Variants in STK32B observed in about 807,000 individuals in gnomAD.
STK32B encodes the protein serine/threonine-protein kinase 32B.
In STK32B, 43 loss-of-function variants were observed where a neutral mutation model predicts 52.6. The ratio of observed to expected loss-of-function variants is 0.82; its 90% CI spans 0.64 to 1.05. The LOEUF is 1.05. Ranked by LOEUF, STK32B falls within the 50% of genes least tolerant of loss-of-function variation. STK32B has a pLI of 0.00. For missense variants in STK32B, 621 were observed against 534.6 expected (o/e 1.16, Z -1.59); for synonymous variants, 238 against 204.3 (o/e 1.17, Z -1.41).
rs188490144 is a variant in STK32B, at chr4:5,349,486, G to A, written c.434+18093G>A. Among the ~76,000 whole-genome samples, 367 of 151,628 alleles carry A rather than the reference G, an allele frequency of 2.4e-3. 5 individuals are homozygous for A. The highest frequency in any genetic ancestry group is 8.5e-3 in the African/African-American group (350 of 41,332). ...ACAATATACACATCTTTAGGAAAAA[G>A]TCTTCCCCTATGAAAGCAAATTCAA... On this transcript the variant is annotated intron_variant, in intron 4 of 11. Coordinates refer to ENST00000282908, the MANE Select transcript of STK32B (RefSeq NM_018401.3).
chr4:5,268,538 GGTGTGTGTGTGTGTGTGTGT>G (rs10593272), intron 3 of STK32B, among the ~76,000 whole-genome samples: 14 of 140,090 alleles, frequency 1.0e-4, no homozygotes, highest in Admixed American at 3.7e-4. Flanking sequence ...TGCTTGGTGT[GGTGTGTGTGTGTGTGTGTGT>G]GTGTGTGTGT....
chr4:5,168,001 G>A (rs1238113821), intron 2 of STK32B, among the ~76,000 whole-genome samples: 1 of 152,340 alleles, frequency 6.6e-6, no homozygotes, highest in Non-Finnish European at 1.5e-5. Context: ...CTCGTGGGCT[G>A]TGAGCCCCTT....
At chr4:5,339,134 TG>T (rs1732904801) in intron 4 of STK32B, among the ~76,000 whole-genome samples, 1 of 152,312 alleles carries the variant, frequency 6.6e-6, no homozygotes, top group African/African-American at 2.4e-5. Context: ...AGTCTTAGAC[TG>T]GGACTTACAC....
intron 2 of STK32B, among the ~76,000 whole-genome samples, chr4:5,160,345 C>T (rs553786713): frequency 1.6e-4 from 25 of 152,184 alleles, no homozygotes; most frequent in Admixed American, 2.6e-4. Context: ...CCACTCTTAT[C>T]CCCATTGTAC....
chr4:5,360,545 T>G (rs1291253966), intron 4 of STK32B, among the ~76,000 whole-genome samples: 2 of 152,076 alleles, frequency 1.3e-5, no homozygotes, highest in Non-Finnish European at 2.9e-5. Context: ...ATTGGAGATG[T>G]GGGGTGTTGG....
At position 5,051,822 on chromosome 4, in the gene STK32B, T is replaced by C. The variant is rs1741795261; in HGVS notation, c.-42T>C. On this transcript the variant is annotated 5_prime_UTR_variant, in exon 1 of 12. Coordinates refer to ENST00000282908, the MANE Select transcript of STK32B (RefSeq NM_018401.3). Reference sequence around the variant, plus strand: ...CGCGTCCCACATCCCGCATCCGGCATCCCAGCGGCCGGGCATGTAGCAGCG... The same window carrying C: ...CGCGTCCCACATCCCGCATCCGGCACCCCAGCGGCCGGGCATGTAGCAGCG... 2 of 1,571,794 alleles carry C rather than the reference T, an allele frequency of 1.3e-6. No homozygotes were observed. Among genetic ancestry groups the C allele is most frequent in the Middle Eastern group, 1.7e-4 (1 of 6,006 alleles).
At chr4:5,305,850 C>G (rs1299938464) in intron 3 of STK32B, among the ~76,000 whole-genome samples, 2 of 152,082 alleles carry the variant, frequency 1.3e-5, no homozygotes, top group Non-Finnish European at 2.9e-5. Context: ...ATGCTATGAG[C>G]TTTCCTCTTA....
intron 6 of STK32B, among the ~76,000 whole-genome samples, chr4:5,434,401 CATAG>C (rs1713851880): frequency 1.3e-5 from 2 of 150,914 alleles, no homozygotes; most frequent in African/African-American, 4.9e-5. Flanking sequence ...GAATATAAAA[CATAG>C]AGAGTATATG....
chr4:5,356,441 TG>T (rs1405435702), intron 4 of STK32B, among the ~76,000 whole-genome samples: 1 of 152,184 alleles, frequency 6.6e-6, no homozygotes, highest in African/African-American at 2.4e-5. Context: ...GACATAGATT[TG>T]GGAAGACACC....
intron 2 of STK32B, among the ~76,000 whole-genome samples, chr4:5,150,573 C>CG (rs1363514449): frequency 7.6e-6 from 1 of 131,710 alleles, no homozygotes; most frequent in Non-Finnish European, 1.8e-5. Flanking sequence ...AATCTCAGTC[C>CG]ATTTTTTTTT....
At chr4:5,136,574 A>G (rs1288154805) in intron 1 of STK32B, among the ~76,000 whole-genome samples, 5 of 152,190 alleles carry the variant, frequency 3.3e-5, no homozygotes. Flanking sequence ...TTCCCGTACT[A>G]AAACCAGGAA....
At chr4:5,475,084 C>G (rs796139012) in intron 11 of STK32B, among the ~76,000 whole-genome samples, 1 of 152,000 alleles carries the variant, frequency 6.6e-6, no homozygotes, top group African/African-American at 2.4e-5. Flanking sequence ...TTAATAGTGC[C>G]ACAAAACTCA....
At chr4:5,209,221 TC>T (rs1250573189) in intron 3 of STK32B, among the ~76,000 whole-genome samples, 1 of 152,178 alleles carries the variant, frequency 6.6e-6, no homozygotes, top group Non-Finnish European at 1.5e-5. Flanking sequence ...AGTTTACATT[TC>T]TTTTTTTTCT....
intron 1 of STK32B, among the ~76,000 whole-genome samples, chr4:5,062,103 C>T (rs945494225): frequency 9.2e-5 from 14 of 152,198 alleles, no homozygotes; most frequent in African/African-American, 2.7e-4. Flanking sequence ...TATCTGTACA[C>T]GAGCGCCTTC....
chr4:5,129,828 A>G (rs915977733), intron 1 of STK32B, among the ~76,000 whole-genome samples: 1 of 152,202 alleles, frequency 6.6e-6, no homozygotes, highest in Admixed American at 6.5e-5. Context: ...GTGTACAGCC[A>G]GCACTCCTTT....
chr4:5,108,083 A>T (rs1472748427), intron 1 of STK32B, among the ~76,000 whole-genome samples: 3 of 152,110 alleles, frequency 2.0e-5, no homozygotes, highest in African/African-American at 4.8e-5. Flanking sequence ...CATTGCCCTG[A>T]TTTTACCACC....
At chr4:5,466,975 C>T (rs1717489251) in intron 10 of STK32B, 141 bp downstream of exon 10, 1 of 1,120,214 alleles carries the variant, frequency 8.9e-7, no homozygotes, top group South Asian at 1.8e-5. Context: ...TAAAATGCTA[C>T]TATCAAACAA....
At chr4:5,448,649 G>A (rs1489617072) in intron 7 of STK32B, among the ~76,000 whole-genome samples, 2 of 152,184 alleles carry the variant, frequency 1.3e-5, no homozygotes, top group South Asian at 2.1e-4. Context: ...ATTCTTCTGA[G>A]TTTTCTGCTG....
intron 6 of STK32B, among the ~76,000 whole-genome samples, chr4:5,422,613 T>C (rs956220324): frequency 1.3e-5 from 2 of 152,158 alleles, no homozygotes; most frequent in African/African-American, 4.8e-5. Flanking sequence ...TGAGGTGAAA[T>C]GAAGAGCAAG....
Sources: gnomAD v4.1 joint callset for allele counts (sites outside exome capture counted in the v4.1 genomes callset) on GRCh38, gnomAD v4.1.1 for gene constraint, MANE v1.5 for transcripts, NCBI Gene and HGNC (gene_info 2026-07-23, HGNC 2026-07-21) for gene names.